The following CSMD1 variants were observed in gnomAD, a reference collection of about 807,000 sequenced individuals.
CSMD1 encodes CUB and sushi domain-containing protein 1.
In CSMD1, 213 loss-of-function variants were observed where a neutral mutation model predicts 417.5. That is an observed-to-expected ratio of 0.51 (90% confidence interval 0.46 to 0.57). The LOEUF (loss-of-function observed/expected upper bound fraction) is 0.57, where lower values mean the gene tolerates loss of function less well. Among genes scored for constraint, CSMD1 ranks in the 20% least tolerant of loss-of-function variants. The pLI is 0.00. For missense variants in CSMD1, 6,923 were observed against 4,529.7 expected (o/e 1.53, Z -15.17); for synonymous variants, 2,862 against 1,736.8 (o/e 1.65, Z -16.11).
chr8:3,538,150 T>A (rs977602189), intron 10 of CSMD1, among the ~76,000 whole-genome samples: 1 of 152,208 alleles, frequency 6.6e-6, no homozygotes, highest in African/African-American at 2.4e-5. Flanking sequence ...TAGATTTACA[T>A]CTTTACTTGA....
chr8:3,250,390 A>G (rs1349141667), intron 26 of CSMD1, among the ~76,000 whole-genome samples: 2 of 152,172 alleles, frequency 1.3e-5, no homozygotes, highest in Non-Finnish European at 2.9e-5. Flanking sequence ...ACATGAACTC[A>G]TTATTTTTTA....
intron 22 of CSMD1, among the ~76,000 whole-genome samples, chr8:3,346,656 A>T (rs113490891): frequency 6.6e-6 from 1 of 152,216 alleles, no homozygotes; most frequent in Non-Finnish European, 1.5e-5. Context: ...ACCTTTGCAC[A>T]TAACTTCTAA....
chr8:4,802,984 G>A (rs1232899914), intron 1 of CSMD1, among the ~76,000 whole-genome samples: 1 of 152,114 alleles, frequency 6.6e-6, no homozygotes. Context: ...GAATCTTTAT[G>A]TTATTAGAGC....
chr8:4,777,986 G>A (rs1219263626), intron 1 of CSMD1, among the ~76,000 whole-genome samples: 1 of 152,168 alleles, frequency 6.6e-6, no homozygotes, highest in Non-Finnish European at 1.5e-5. Context: ...TAAGCTTTTG[G>A]TTTCATGATG....
chr8:4,834,608 G>A (rs941621193), intron 1 of CSMD1, among the ~76,000 whole-genome samples: 2 of 151,924 alleles, frequency 1.3e-5, no homozygotes, highest in Non-Finnish European at 2.9e-5. Flanking sequence ...ACGTGGTCCA[G>A]GATAAAGAAT....
intron 15 of CSMD1, among the ~76,000 whole-genome samples, chr8:3,399,833 T>C (rs1475863503): frequency 6.6e-6 from 1 of 152,214 alleles, no homozygotes; most frequent in Non-Finnish European, 1.5e-5. Context: ...ATTACGTACA[T>C]GCCCGGTTAT....
At chr8:2,991,114 T>A (rs976610582) in intron 54 of CSMD1, among the ~76,000 whole-genome samples, 2 of 152,230 alleles carry the variant, frequency 1.3e-5, no homozygotes, top group African/African-American at 4.8e-5. Flanking sequence ...AAGGTGATTT[T>A]CTTATTGTCT....
intron 1 of CSMD1, among the ~76,000 whole-genome samples, chr8:4,984,320 G>A (rs1185094914): frequency 1.3e-5 from 2 of 152,196 alleles, no homozygotes; most frequent in Admixed American, 1.3e-4. Context: ...GAGTAGAAAG[G>A]AGCAAGGCCT....
At chr8:4,626,457 T>C (rs1455887108) in intron 2 of CSMD1, among the ~76,000 whole-genome samples, 1 of 152,040 alleles carries the variant, frequency 6.6e-6, no homozygotes, top group Non-Finnish European at 1.5e-5. Context: ...TTTGAGGGTT[T>C]AGTGTGAGAT....
intron 5 of CSMD1, among the ~76,000 whole-genome samples, chr8:3,970,265 G>C (rs776120378): frequency 6.6e-6 from 1 of 152,200 alleles, no homozygotes; most frequent in African/African-American, 2.4e-5. Flanking sequence ...CCAGAACGCT[G>C]TATGTCCGAA....
chr8:4,602,979 G>C (rs1248993121), intron 2 of CSMD1, among the ~76,000 whole-genome samples: 1 of 151,842 alleles, frequency 6.6e-6, no homozygotes, highest in Non-Finnish European at 1.5e-5. Context: ...CAGACTATTT[G>C]TAATTTAGTA....
intron 1 of CSMD1, among the ~76,000 whole-genome samples, chr8:4,986,358 T>C (rs1811177707): frequency 6.6e-6 from 1 of 152,220 alleles, no homozygotes; most frequent in Non-Finnish European, 1.5e-5. Flanking sequence ...AGAAAATTAC[T>C]CATTTGTTAG....
intron 5 of CSMD1, among the ~76,000 whole-genome samples, chr8:3,886,351 T>C (rs1387838077): frequency 2.0e-5 from 3 of 152,166 alleles, no homozygotes; most frequent in African/African-American, 4.8e-5. Flanking sequence ...GCCAGGCCCA[T>C]TATATATTTT....
intron 3 of CSMD1, among the ~76,000 whole-genome samples, chr8:4,316,171 G>C (rs182711654): frequency 5.4e-4 from 82 of 152,204 alleles, no homozygotes; most frequent in Non-Finnish European, 1.1e-3. Flanking sequence ...CAATTATGTA[G>C]ATTAGCTAAA....
At position 3,586,261 on chromosome 8, in the gene CSMD1, C is replaced by T. The variant is rs1800595452; in HGVS notation, c.1098-1G>A. 1 of 1,552,442 alleles carries T rather than the reference C, an allele frequency of 6.4e-7. No homozygotes were observed. The highest frequency in any genetic ancestry group is 2.2e-5 in the Admixed American group (1 of 46,440). The stretch of plus-strand genomic sequence containing the variant: ...TGAAAACTGTACATTTGCACCAACC[C>T]TAAGCCGTTAAAAAAGAAAAAAAAA... On this transcript the variant is annotated splice_acceptor_variant, in intron 8 of 69. Transcript: ENST00000635120. LOFTEE classifies it high-confidence loss of function.
At chr8:3,060,052 T>C (rs1812488976) in intron 49 of CSMD1, among the ~76,000 whole-genome samples, 1 of 152,112 alleles carries the variant, frequency 6.6e-6, no homozygotes, top group Non-Finnish European at 1.5e-5. Flanking sequence ...TACCGCAAAC[T>C]GGAATAAAGT....
chr8:3,580,583 T>C (rs1019300718), intron 9 of CSMD1, among the ~76,000 whole-genome samples: 3 of 152,084 alleles, frequency 2.0e-5, no homozygotes, highest in Non-Finnish European at 4.4e-5. Context: ...TTAGTAAAAA[T>C]AATAAGGAGA....
chr8:4,047,954 G>GT (rs1388874729), intron 3 of CSMD1, among the ~76,000 whole-genome samples: 2 of 152,154 alleles, frequency 1.3e-5, no homozygotes, highest in Admixed American at 6.5e-5. Context: ...ATAATGTCAT[G>GT]TTGAGTCCTT....
At chr8:4,134,704 C>A (rs1029137025) in intron 3 of CSMD1, among the ~76,000 whole-genome samples, 1 of 152,148 alleles carries the variant, frequency 6.6e-6, no homozygotes, top group African/African-American at 2.4e-5. Flanking sequence ...CTGTGAACCA[C>A]ACCACTTACC....
Sources: gnomAD v4.1 joint callset for allele counts (sites outside exome capture counted in the v4.1 genomes callset) on GRCh38, gnomAD v4.1.1 for gene constraint, MANE v1.5 for transcripts, NCBI Gene and HGNC (gene_info 2026-07-23, HGNC 2026-07-21) for gene names.